The following DNAJB12 variants were observed in gnomAD, a reference collection of about 807,000 sequenced individuals.
DNAJB12 encodes DnaJ heat shock protein family (Hsp40) member B12.
Under a neutral mutation model 40.6 loss-of-function variants are expected in DNAJB12, and 14 were observed. The observed-to-expected ratio is 0.34, with a 90% CI of 0.23 to 0.54. The LOEUF is 0.54. DNAJB12 is among the 20% of genes least tolerant of loss of function. DNAJB12 has a pLI of 0.92. For synonymous variants in DNAJB12, 181 were observed against 199.5 expected, an observed-to-expected ratio of 0.91 and a Z score of 0.78; for missense variants, 444 against 501.7, an observed-to-expected ratio of 0.89 and a Z score of 1.10.
intron 1 of DNAJB12, among the ~76,000 whole-genome samples, chr10:72,347,153 G>T: frequency 6.6e-6 from 1 of 151,834 alleles, no homozygotes. Flanking sequence ...TAGAGATGAG[G>T]TTTCACCATG....
In DNAJB12 at chr10:72,337,912, TTGTG is replaced by T. The variant is rs530181098; in HGVS notation, c.833+286_833+289del. On this transcript the variant is annotated intron_variant, in intron 6 of 8. Transcript: ENST00000444643. ...CATGTGTATTATGTGTGTGCATGTA[TTGTG>T]TGTGTGTGTACATGTGTATCGTGTG... is the stretch of plus-strand genomic sequence containing the variant. Among the ~76,000 whole-genome samples, 38 of 152,064 alleles carry T rather than the reference TTGTG, an allele frequency of 2.5e-4. No homozygotes were observed. The Middle Eastern group carries it at 0.017, about 68-fold the overall frequency.
rs1861406520 is a variant in DNAJB12 at position 72,334,369 on chromosome 10, T to C, written c.*279A>G. ...ACATTCTACTTTCGTTGCCATGGTTTCTGTATCCTAGGAGAGAGGCGATGC... is the reference window on the plus strand; with the variant it reads ...ACATTCTACTTTCGTTGCCATGGTTCCTGTATCCTAGGAGAGAGGCGATGC... On this transcript the variant is annotated 3_prime_UTR_variant, in exon 9 of 9. Transcript: ENST00000444643. The C allele has an allele frequency of 1.7e-6, 1 of 577,554 alleles. No homozygotes were observed. The highest frequency in any genetic ancestry group is 2.1e-5 in the South Asian group (1 of 48,304). 35.8% of individuals were successfully genotyped at this position (577,554 alleles called of 1,614,324 possible). A position where few individuals can be genotyped will look rare whatever the true frequency, so the allele number is the denominator to read the frequency against.
In DNAJB12 at chr10:72,333,983, G is replaced by A. The variant is rs897057046; in HGVS notation, c.*665C>T. On this transcript the variant is annotated 3_prime_UTR_variant, in exon 9 of 9. Transcript: ENST00000444643. ...AAAGCTCTGATGCGACTCTCCTTAT[G>A]CTGTCAGCTACAGCTAATGTCTAGC... 12 of 153,500 alleles carry A rather than the reference G, an allele frequency of 7.8e-5. No individual in the cohort carries two copies. Among genetic ancestry groups the A allele is most frequent in the African/African-American group, 2.7e-4 (11 of 41,406 alleles). 9.5% of individuals were successfully genotyped at this position (153,500 alleles called of 1,614,324 possible).
intron 2 of DNAJB12, 111 bp from the exon 3 acceptor site, chr10:72,343,622 C>T: frequency 8.5e-7 from 1 of 1,172,532 alleles, no homozygotes; most frequent in Non-Finnish European, 1.2e-6. Flanking sequence ...GGGGGACCAA[C>T]AGGGCAAGGC....
At chr10:72,336,975 C>T (rs55694406) in intron 6 of DNAJB12, 7,268 of 302,474 alleles carry the variant, frequency 0.024, 105 homozygotes, top group South Asian at 0.039. Context: ...GTCTAGGGAA[C>T]TGGAGACCTG....
Position 72,335,739 on chromosome 10 carries a change from G to A in DNAJB12, c.*30+41C>T. ...TCCTCTGCTCATGACCAGGGCCAAA[G>A]CTGCCAGGAGTTGCAGGGTGGAGGC... is the stretch of plus-strand genomic sequence containing the variant. On this transcript the variant is annotated intron_variant, in intron 8 of 8. Coordinates refer to ENST00000444643, the MANE Select transcript of DNAJB12 (RefSeq NM_017626.7). This position sits in a 1 kb window ranked among gnomAD's most constrained non-coding sequence, Gnocchi z 4.4. The A allele has an allele frequency of 1.3e-6, 2 of 1,595,930 alleles. No homozygotes were observed. Among genetic ancestry groups the A allele is most frequent in the South Asian group, 1.1e-5 (1 of 88,662 alleles).
In DNAJB12 at chr10:72,354,748, C is replaced by T. The variant is rs373689250; in HGVS notation, c.133+17G>A. ...TCAGTTCTAATGTCCCCAGTCTCTC[C>T]GGCACCTCACACTCACCGCGAACTC... On this transcript the variant is annotated intron_variant, in intron 1 of 8. Transcript: ENST00000444643. The T allele has an allele frequency of 3.1e-6, 5 of 1,602,746 alleles. No homozygotes were observed. Among genetic ancestry groups the T allele is most frequent in the Non-Finnish European group, 1.7e-6 (2 of 1,173,632 alleles).
At chr10:72,344,340 A>G (rs188895351) in intron 2 of DNAJB12, among the ~76,000 whole-genome samples, 174 of 152,336 alleles carry the variant, frequency 1.1e-3, no homozygotes, top group Non-Finnish European at 2.0e-3. Context: ...TTGGTCCTGA[A>G]GCTTGCCAGG....
intron 1 of DNAJB12, among the ~76,000 whole-genome samples, chr10:72,346,109 G>C (rs1218676357): frequency 6.6e-6 from 1 of 152,022 alleles, no homozygotes; most frequent in Non-Finnish European, 1.5e-5. Context: ...TCTTCCAAAA[G>C]CACACTTGGT....
intron 1 of DNAJB12, among the ~76,000 whole-genome samples, chr10:72,347,697 C>CCT (rs1205799661): frequency 1.3e-5 from 2 of 152,086 alleles, no homozygotes; most frequent in East Asian, 3.9e-4. Context: ...GGGCGAATCA[C>CCT]AAGGTCAGGA....
At chr10:72,354,684 C>A in intron 1 of DNAJB12, 81 bp downstream of exon 1, 1 of 1,346,364 alleles carries the variant, frequency 7.4e-7, no homozygotes, top group Non-Finnish European at 1.0e-6. Flanking sequence ...CTCCCCCTCC[C>A]CCAACTGCTC....
intron 2 of DNAJB12, among the ~76,000 whole-genome samples, chr10:72,344,424 G>A (rs939618899): frequency 2.0e-5 from 3 of 152,230 alleles, no homozygotes; most frequent in Non-Finnish European, 2.9e-5. Context: ...AGCTGGGAAC[G>A]TCTAAGCCTG....
intron 7 of DNAJB12, among the ~76,000 whole-genome samples, chr10:72,336,220 G>C (rs945161318): frequency 9.8e-5 from 15 of 152,312 alleles, no homozygotes; most frequent in South Asian, 6.2e-4. Flanking sequence ...GCACAGTCAG[G>C]GGGTGGCCAG....
chr10:72,338,149 G>C (rs1164734090), intron 6 of DNAJB12, 53 bp downstream of exon 6: 4 of 1,496,110 alleles, frequency 2.7e-6, no homozygotes, highest in Non-Finnish European at 3.7e-6. Flanking sequence ...TGATGGGGCT[G>C]AGAATTTAAA....
intron 2 of DNAJB12, 87 bp from the exon 3 acceptor site, chr10:72,343,598 T>C (rs1023399640): frequency 2.7e-6 from 4 of 1,466,722 alleles, no homozygotes; most frequent in South Asian, 1.2e-5. Flanking sequence ...GGCGCACAGC[T>C]CTGGGCAGGC....
intron 6 of DNAJB12, 152 bp from the exon 7 acceptor site, chr10:72,336,848 G>A: frequency 1.7e-6 from 1 of 600,306 alleles, no homozygotes; most frequent in Non-Finnish European, 2.8e-6. Flanking sequence ...CTCCCTGAAA[G>A]GAGAGTCTGA....
intron 1 of DNAJB12, among the ~76,000 whole-genome samples, chr10:72,348,394 C>G (rs1240770106): frequency 2.6e-5 from 4 of 152,242 alleles, no homozygotes; most frequent in Non-Finnish European, 5.9e-5. Flanking sequence ...GACAAGCTGA[C>G]CAGCTGGGAA....
rs539554486 is a variant in DNAJB12, at chr10:72,334,321, C to T, written c.*327G>A. On this transcript the variant is annotated 3_prime_UTR_variant, in exon 9 of 9. Transcript: ENST00000444643. The stretch of plus-strand genomic sequence containing the variant: ...GGGTGCCCCCTCCCCCAGCCCTTCC[C>T]ACTGATATCTGCTGCGAGTTTTACA... 3 of 489,606 alleles carry T rather than the reference C, an allele frequency of 6.1e-6. No homozygotes were observed. The highest frequency in any genetic ancestry group is 1.1e-5 in the Non-Finnish European group (3 of 280,522). The allele number at this position is 489,606 out of a possible 1,614,324, so 30.3% of individuals were successfully genotyped here.
intron 6 of DNAJB12, among the ~76,000 whole-genome samples, chr10:72,337,864 G>GTA (rs781382297): frequency 6.6e-6 from 1 of 152,166 alleles, no homozygotes; most frequent in Non-Finnish European, 1.5e-5. Flanking sequence ...AACTCTGTGT[G>GTA]TATATGTGTG....
Sources: gnomAD v4.1 joint callset for allele counts (sites outside exome capture counted in the v4.1 genomes callset) on GRCh38, gnomAD v4.1.1 for gene constraint, Gnocchi (gnomAD v3.1) non-coding constraint, MANE v1.5 for transcripts, NCBI Gene and HGNC (gene_info 2026-07-23, HGNC 2026-07-21) for gene names.